AK5: variants seen among roughly 807,000 people sequenced by gnomAD.
AK5 encodes the protein adenylate kinase 5, also known as adenylate kinase isoenzyme 5.
A neutral mutation model predicts 69.5 loss-of-function variants in AK5; 27 were observed. That is an observed-to-expected ratio of 0.39 (90% CI 0.29 to 0.54). AK5 has a LOEUF of 0.54. Among genes scored for constraint, AK5 ranks in the 20% least tolerant of loss-of-function variants. AK5 has a pLI of 0.71. For missense variants in AK5, 531 were observed against 700.4 expected (o/e 0.76, Z 2.73); for synonymous variants, 260 against 244.4 (o/e 1.06, Z -0.60).
intron 13 of AK5, among the ~76,000 whole-genome samples, chr1:77,551,356 G>C (rs550054449): frequency 6.6e-6 from 1 of 152,164 alleles, no homozygotes; most frequent in African/African-American, 2.4e-5. Context: ...AGTCACCCAA[G>C]TAAAAGACTG....
intron 10 of AK5, among the ~76,000 whole-genome samples, chr1:77,505,153 A>C (rs1383112493): frequency 6.6e-6 from 1 of 152,230 alleles, no homozygotes; most frequent in African/African-American, 2.4e-5. Flanking sequence ...ATTGAACATA[A>C]AACCTCAGAT....
rs1658394021 is a variant in AK5 at position 77,287,004 on chromosome 1, T to C, written c.124T>C (p.Leu42=). 1.2e-6 allele frequency: 2 copies of C among 1,607,712 alleles called. No homozygotes were observed. The highest frequency in any genetic ancestry group is 1.7e-5 in the Admixed American group (1 of 59,408). The change falls in exon 2 of 14, where the codon TTA becomes CTA. Residue 42 remains leucine (L), a synonymous_variant. Coordinates refer to ENST00000354567, the MANE Select transcript of AK5 (RefSeq NM_174858.3). ...EDPVEYLESC[L]QKVKELGGCD... ...TCCAGTAGAATACTTGGAAAGTTGT[T>C]TACAAAAAGTAAAGGAACTGGGTGG...
At chr1:77,410,469 G>A (rs923808792) in intron 6 of AK5, among the ~76,000 whole-genome samples, 1 of 151,974 alleles carries the variant, frequency 6.6e-6, no homozygotes, top group African/African-American at 2.4e-5. Flanking sequence ...TAGTAGAGAC[G>A]GGGTTTTGCC....
Position 77,470,826 on chromosome 1 carries a change from AATATATATATATATATATATAT to A in AK5, c.1060-12462_1060-12441del, listed in dbSNP as rs71075744. Among the ~76,000 whole-genome samples the A allele has an allele frequency of 2.9e-3, 148 of 51,168 alleles. 18 individuals carry two copies. The highest frequency in any genetic ancestry group is 0.011 in the African/African-American group (132 of 12,432). The allele number at this position is 51,168 out of a possible 152,430, so 33.6% of individuals were successfully genotyped here. A position where few individuals can be genotyped will look rare whatever the true frequency, so the allele number is the denominator to read the frequency against. On this transcript the variant is annotated intron_variant, in intron 8 of 13. Coordinates refer to ENST00000354567, the MANE Select transcript of AK5 (RefSeq NM_174858.3). ...TTTCTCATTTTAATGGCACATTTAG[AATATATATATATATATATATAT>A]ATATATATATATATATATATATATA...
chr1:77,476,874 T>C (rs35883964), intron 8 of AK5, among the ~76,000 whole-genome samples: 24,549 of 151,116 alleles, frequency 0.16, 2,182 homozygotes, highest in Admixed American at 0.21. Context: ...TTTTCTAAAA[T>C]TGTTTAATGT....
intron 8 of AK5, among the ~76,000 whole-genome samples, chr1:77,447,319 C>G (rs371976335): frequency 1.1e-3 from 163 of 152,320 alleles, no homozygotes; most frequent in African/African-American, 3.8e-3. Flanking sequence ...TAAACAGTGT[C>G]AGTATATCAC....
In AK5 at chr1:77,550,589, C is replaced by T. The variant is rs555250943; in HGVS notation, c.1621-8013C>T. On this transcript the variant is annotated intron_variant, in intron 13 of 13. Coordinates refer to ENST00000354567, the MANE Select transcript of AK5 (RefSeq NM_174858.3). The stretch of plus-strand genomic sequence containing the variant: ...CATTAAACACCAGCACCCTTATAAG[C>T]TAACTGGTTTAAATTTGCTAAAGCT... 1.7e-3 allele frequency among the ~76,000 whole-genome samples: 254 copies of T among 152,306 alleles called. 1 individual carries two copies. Among genetic ancestry groups the T allele is most frequent in the Non-Finnish European group, 2.6e-3 (180 of 68,032 alleles).
intron 8 of AK5, among the ~76,000 whole-genome samples, chr1:77,432,091 G>A (rs1170310136): frequency 6.6e-6 from 1 of 152,064 alleles, no homozygotes; most frequent in Non-Finnish European, 1.5e-5. Flanking sequence ...TTTTTCAGCT[G>A]TTTTTGGTTT....
intron 8 of AK5, among the ~76,000 whole-genome samples, chr1:77,463,762 G>A (rs1653979266): frequency 2.0e-5 from 3 of 151,994 alleles, no homozygotes; most frequent in Admixed American, 2.0e-4. Context: ...TAGTTACATA[G>A]TAAAAGCATC....
rs1289522171 is a variant in AK5 at position 77,314,004 on chromosome 1, G to A, written c.699+16057G>A. The A allele has an allele frequency of 1.7e-5, 7 of 410,148 alleles. No homozygotes were observed. The Admixed American group carries it at 1.9e-4, about 11-fold the overall frequency. 25.4% of individuals were successfully genotyped at this position (410,148 alleles called of 1,614,324 possible). A position where few individuals can be genotyped will look rare whatever the true frequency, so the allele number is the denominator to read the frequency against. On this transcript the variant is annotated intron_variant, in intron 5 of 13. Transcript: ENST00000354567. The stretch of plus-strand genomic sequence containing the variant: ...TGCTTGATGGACAAAGGGGAAGAGG[G>A]GGAGAAATAATAAAATAATTGTAGT...
chr1:77,374,082 T>C (rs1236982466), intron 6 of AK5, among the ~76,000 whole-genome samples: 1 of 152,200 alleles, frequency 6.6e-6, no homozygotes, highest in East Asian at 1.9e-4. Context: ...GAATTAATTC[T>C]AGCTCATAGT....
At chr1:77,556,724 A>G (rs1224440361) in intron 13 of AK5, among the ~76,000 whole-genome samples, 3 of 152,220 alleles carry the variant, frequency 2.0e-5, no homozygotes, top group Non-Finnish European at 4.4e-5. Context: ...TTGCACAAAG[A>G]AGATTTAAAT....
At chr1:77,338,184 C>T (rs944883646) in intron 5 of AK5, among the ~76,000 whole-genome samples, 2 of 151,992 alleles carry the variant, frequency 1.3e-5, no homozygotes, top group South Asian at 2.1e-4. Flanking sequence ...AGACTGGTCT[C>T]GAACTCCTGA....
At chr1:77,525,799 T>G (rs1221289784) in intron 12 of AK5, among the ~76,000 whole-genome samples, 1 of 152,196 alleles carries the variant, frequency 6.6e-6, no homozygotes. Context: ...TCTATTCTAT[T>G]GGTCTATATA....
chr1:77,371,402 C>G (rs1647120411), intron 6 of AK5: 1 of 152,212 alleles, frequency 6.6e-6, no homozygotes, highest in African/African-American at 2.4e-5. Flanking sequence ...GGAAAGAGTA[C>G]TTTACAGCAC....
At chr1:77,368,356 G>GTA (rs1338344360) in intron 6 of AK5, among the ~76,000 whole-genome samples, 344 of 137,210 alleles carry the variant, frequency 2.5e-3, no homozygotes, top group African/African-American at 7.2e-3. Context: ...TATATGTTGT[G>GTA]TATATATATA....
intron 5 of AK5, among the ~76,000 whole-genome samples, chr1:77,338,473 TA>T (rs1661482726): frequency 1.3e-5 from 2 of 152,220 alleles, no homozygotes; most frequent in South Asian, 4.1e-4. Flanking sequence ...GAGTCACAGG[TA>T]ACATTCAGAT....
At position 77,558,822 on chromosome 1, in the gene AK5, C is replaced by A. The variant is rs1660273989; in HGVS notation, c.*152C>A. 3.2e-6 allele frequency: 2 copies of A among 626,564 alleles called. No individual in the cohort carries two copies. Among genetic ancestry groups the A allele is most frequent in the African/African-American group, 1.8e-5 (1 of 54,468 alleles). The allele number at this position is 626,564 out of a possible 1,614,324, so 38.8% of individuals were successfully genotyped here. A position where few individuals can be genotyped will look rare whatever the true frequency, so the allele number is the denominator to read the frequency against. On this transcript the variant is annotated 3_prime_UTR_variant, in exon 14 of 14. Transcript: ENST00000354567. ...CAGCACTGTTTGCTTCCCAGCTAGA[C>A]CTGTGTGAGAGGTGTCTGGAAATCA... is the stretch of plus-strand genomic sequence containing the variant.
chr1:77,552,647 T>C (rs1484639201), intron 13 of AK5, among the ~76,000 whole-genome samples: 3 of 152,208 alleles, frequency 2.0e-5, no homozygotes, highest in Non-Finnish European at 4.4e-5. Context: ...AAAGAAATCC[T>C]GGACAAGGAT....
Sources: gnomAD v4.1 joint callset for allele counts (sites outside exome capture counted in the v4.1 genomes callset) on GRCh38, gnomAD v4.1.1 for gene constraint, MANE v1.5 for transcripts, NCBI Gene and HGNC (gene_info 2026-07-23, HGNC 2026-07-21) for gene names.